SMIM35: variants seen among roughly 807,000 people sequenced by gnomAD.
The protein encoded by SMIM35 is small integral membrane protein 35.
chr11:118,036,637 G>C (rs1008871634), intron 1 of SMIM35, among the ~76,000 whole-genome samples: 3 of 152,240 alleles, frequency 2.0e-5, no homozygotes, highest in Non-Finnish European at 4.4e-5. Context: ...GCAGGGCAGT[G>C]AGGTGCCACT....
At chr11:118,035,366 A>C (rs1227543917) in intron 1 of SMIM35, among the ~76,000 whole-genome samples, 1 of 152,114 alleles carries the variant, frequency 6.6e-6, no homozygotes, top group Admixed American at 6.5e-5. Flanking sequence ...GGATTTATGG[A>C]GTTCTTACTG....
chr11:118,026,435 G>A (rs1436646212), intron 1 of SMIM35, among the ~76,000 whole-genome samples: 1 of 152,114 alleles, frequency 6.6e-6, no homozygotes, highest in African/African-American at 2.4e-5. Flanking sequence ...AATAATTAAA[G>A]GTGATTTCTC....
chr11:118,019,456 G>A (rs947819998), intron 1 of SMIM35, among the ~76,000 whole-genome samples: 8 of 152,168 alleles, frequency 5.3e-5, no homozygotes, highest in Non-Finnish European at 1.2e-4. Context: ...GGAAGCCCAG[G>A]AAGCTAGAAT....
At chr11:118,009,385 C>T (rs2058139385) in intron 4 of SMIM35, among the ~76,000 whole-genome samples, 2 of 152,214 alleles carry the variant, frequency 1.3e-5, no homozygotes, top group Admixed American at 1.3e-4. Flanking sequence ...CACTCTGGGC[C>T]TCTGTTCCCT....
chr11:118,006,715 T>C (rs1313603244), intron 4 of SMIM35, among the ~76,000 whole-genome samples: 1 of 152,226 alleles, frequency 6.6e-6, no homozygotes, highest in Non-Finnish European at 1.5e-5. Flanking sequence ...GCATTTAGAC[T>C]GAGCCTAAAG....
intron 1 of SMIM35, among the ~76,000 whole-genome samples, chr11:118,083,910 C>T (rs1470529638): frequency 6.6e-6 from 1 of 151,882 alleles, no homozygotes; most frequent in African/African-American, 2.4e-5. Context: ...TGGTGGCAGA[C>T]GCCTGTAATC....
intron 1 of SMIM35, among the ~76,000 whole-genome samples, chr11:118,026,566 A>G (rs1379364684): frequency 3.3e-5 from 5 of 152,240 alleles, no homozygotes; most frequent in Non-Finnish European, 7.3e-5. Flanking sequence ...TAATTAATAT[A>G]TTCTAATTAC....
chr11:118,055,154 C>A (rs573393185), intron 1 of SMIM35, among the ~76,000 whole-genome samples: 2 of 152,294 alleles, frequency 1.3e-5, no homozygotes, highest in African/African-American at 4.8e-5. Context: ...AGGATTGTGT[C>A]TTTTGGAATT....
chr11:118,075,728 T>A (rs753550334), intron 1 of SMIM35, among the ~76,000 whole-genome samples: 1 of 151,900 alleles, frequency 6.6e-6, no homozygotes, highest in African/African-American at 2.4e-5. Context: ...CCTGGGAGGG[T>A]CAGGTCTGAG....
At chr11:118,072,218 C>T (rs1004395865) in intron 1 of SMIM35, among the ~76,000 whole-genome samples, 1 of 152,044 alleles carries the variant, frequency 6.6e-6, no homozygotes, top group Non-Finnish European at 1.5e-5. Flanking sequence ...AGCCAGGCAC[C>T]GTGGCTCACA....
chr11:118,020,509 A>C (rs2135032451), intron 1 of SMIM35, among the ~76,000 whole-genome samples: 1 of 152,354 alleles, frequency 6.6e-6, no homozygotes, highest in African/African-American at 2.4e-5. Context: ...CTACAAACTT[A>C]CAAGTATGGC....
chr11:118,070,262 C>T (rs751949327), intron 1 of SMIM35, among the ~76,000 whole-genome samples: 4 of 152,110 alleles, frequency 2.6e-5, no homozygotes, highest in Non-Finnish European at 5.9e-5. Flanking sequence ...CTGCAGCCTC[C>T]GCCTCCCGGG....
chr11:118,069,105 T>C (rs73015723), intron 1 of SMIM35, among the ~76,000 whole-genome samples: 3,388 of 152,260 alleles, frequency 0.022, 60 homozygotes, highest in Non-Finnish European at 0.035. Context: ...GCAGCATCTG[T>C]GAATGCCAGC....
chr11:118,050,143 T>C (rs1280230645), intron 1 of SMIM35, among the ~76,000 whole-genome samples: 1 of 152,256 alleles, frequency 6.6e-6, no homozygotes, highest in East Asian at 1.9e-4. Context: ...TGAGCCACTC[T>C]GACCTTCCAG....
At chr11:118,082,897 G>A (rs1036310332) in intron 1 of SMIM35, among the ~76,000 whole-genome samples, 130 of 152,300 alleles carry the variant, frequency 8.5e-4, no homozygotes, top group African/African-American at 3.0e-3. Context: ...AGGTCTTCTC[G>A]GCGAGTGGGT....
chr11:118,022,616 A>G (rs985415294), intron 1 of SMIM35, among the ~76,000 whole-genome samples: 1 of 152,190 alleles, frequency 6.6e-6, no homozygotes, highest in Non-Finnish European at 1.5e-5. Flanking sequence ...AGTCCAAGGC[A>G]GCTAAAGTTC....
intron 1 of SMIM35, among the ~76,000 whole-genome samples, chr11:118,075,319 C>T (rs1333470805): frequency 6.6e-6 from 1 of 152,234 alleles, no homozygotes; most frequent in East Asian, 1.9e-4. Context: ...GCCCTGCAGG[C>T]CAGCTTCAGA....
chr11:118,012,558 C>T (rs1379622604), intron 4 of SMIM35, among the ~76,000 whole-genome samples: 3 of 152,210 alleles, frequency 2.0e-5, no homozygotes, highest in Non-Finnish European at 4.4e-5. Context: ...CCGTGCCCAG[C>T]CCATTGCAGG....
intron 1 of SMIM35, among the ~76,000 whole-genome samples, chr11:118,033,175 T>C (rs1479096022): frequency 1.3e-5 from 2 of 152,218 alleles, no homozygotes. Flanking sequence ...GCTTTTTAAT[T>C]TAAAGATCTG....
Sources: allele counts gnomAD v4.1 joint callset (sites outside exome capture counted in the v4.1 genomes callset), GRCh38; gene constraint gnomAD v4.1.1; transcripts MANE v1.5; gene names NCBI Gene and HGNC (gene_info 2026-07-23, HGNC 2026-07-21).